TBC1D10B: variants seen among roughly 807,000 people sequenced by gnomAD.
TBC1D10B encodes TBC1 domain family member 10B, also known as Rab27A-GAPbeta.
In TBC1D10B, 25 loss-of-function variants were observed where a neutral mutation model predicts 78.4. The ratio of observed to expected loss-of-function variants is 0.32; its 90% CI spans 0.23 to 0.45. TBC1D10B has a LOEUF of 0.45. Among genes scored for constraint, TBC1D10B ranks in the 20% least tolerant of loss-of-function variants. TBC1D10B has a pLI of 1.00. For synonymous variants in TBC1D10B, 517 were observed against 478.0 expected (o/e 1.08, Z -1.06); for missense variants, 996 against 1,104.8 (o/e 0.90, Z 1.40).
At position 30,365,627 on chromosome 16, in the gene TBC1D10B, T is replaced by G; in HGVS notation, c.957-33A>C. ...GTCGGGGGAGCACGGAAGGGGTCAGTAGCAATAGTGTAAAACCTGCATTGC... is the reference window on the plus strand; with the variant it reads ...GTCGGGGGAGCACGGAAGGGGTCAGGAGCAATAGTGTAAAACCTGCATTGC... On this transcript the variant is annotated intron_variant, in intron 1 of 8. Coordinates refer to ENST00000409939, the MANE Select transcript of TBC1D10B (RefSeq NM_015527.4). This position sits in a 1 kb window ranked among gnomAD's most constrained non-coding sequence, Gnocchi z 5.0. 3 of 1,604,018 alleles carry G rather than the reference T, an allele frequency of 1.9e-6. No homozygotes were observed. The highest frequency in any genetic ancestry group is 2.6e-6 in the Non-Finnish European group (3 of 1,172,196).
In TBC1D10B at chr16:30,369,544, A is replaced by C; in HGVS notation, c.640T>G (p.Ser214Ala). 2 of 1,544,350 alleles carry C rather than the reference A, an allele frequency of 1.3e-6. No homozygotes were observed. The highest frequency in any genetic ancestry group is 1.7e-6 in the Non-Finnish European group (2 of 1,143,734). Residue 214 changes from serine to alanine, a missense_variant, in exon 1 of 9, where the codon TCA becomes GCA. Ser to Ala is a moderately conservative substitution (Grantham distance 99, BLOSUM62 1). Transcript: ENST00000409939. The surrounding 1 kb of genome is among the most constrained non-coding windows in gnomAD (Gnocchi z 4.3). The stretch of plus-strand genomic sequence containing the variant: ...CCAGAGGGGCCTGTGCCAGGGCCTG[A>C]GGGGTCCTCAGGAGCCTGTCCTGCT... ...ASAGQAPEDP[S>A]GPGTGPSGTC...
rs2049673023 is a variant in TBC1D10B at position 30,369,938 on chromosome 16, C to A, written c.246G>T (p.Pro82=). 1 of 1,209,036 alleles carries A rather than the reference C, an allele frequency of 8.3e-7. No individual in the cohort carries two copies. Among genetic ancestry groups the A allele is most frequent in the African/African-American group, 1.6e-5 (1 of 62,796 alleles). The allele number at this position is 1,209,036 out of a possible 1,614,324, so 74.9% of individuals were successfully genotyped here. A position where few individuals can be genotyped will look rare whatever the true frequency, so the allele number is the denominator to read the frequency against. Residue 82 remains proline (P), a synonymous_variant, in exon 1 of 9, where the codon CCG becomes CCT. Transcript: ENST00000409939. The surrounding 1 kb of genome is among the most constrained non-coding windows in gnomAD (Gnocchi z 4.3). Reference sequence around the variant, plus strand: ...CCACCACCGTGCTGCCCGTGACAGCCGGGGCTGGGGCCGGGGCTGGGGCCG... The same window carrying A: ...CCACCACCGTGCTGCCCGTGACAGCAGGGGCTGGGGCCGGGGCTGGGGCCG... ...PAPAPAPAPA[P]AVTGSTVVVL...
intron 4 of TBC1D10B, 181 bp from the exon 5 acceptor site, chr16:30,360,022 G>C (rs375832724): frequency 9.9e-6 from 6 of 603,726 alleles, no homozygotes; most frequent in Non-Finnish European, 1.7e-5. Flanking sequence ...CCGGGGCTCC[G>C]CCTTTGGCTA....
chr16:30,360,873 CCT>C lies in TBC1D10B; in HGVS notation c.1272-1034_1272-1033del, dbSNP rs2049594007. On this transcript the variant is annotated intron_variant, in intron 4 of 8. Coordinates refer to ENST00000409939, the MANE Select transcript of TBC1D10B (RefSeq NM_015527.4). ...TCCACTTGGGCCCAGGATCCCATCC[CCT>C]CTCGCGTGTACAGGCCACCACTCCA... Among the ~76,000 whole-genome samples, 3 of 152,208 alleles carry C rather than the reference CCT, an allele frequency of 2.0e-5. 1 individual carries two copies. The South Asian group carries it at 6.2e-4, about 32-fold the overall frequency.
At chr16:30,362,128 C>T (rs1216019538) in intron 4 of TBC1D10B, among the ~76,000 whole-genome samples, 2 of 151,306 alleles carry the variant, frequency 1.3e-5, no homozygotes, top group Admixed American at 6.6e-5. Flanking sequence ...GGATTACAGG[C>T]GTGGGCCACC....
chr16:30,366,224 G>T (rs773935949), intron 1 of TBC1D10B: 1 of 152,546 alleles, frequency 6.6e-6, no homozygotes, highest in Non-Finnish European at 1.5e-5. Context: ...AATAAAATAG[G>T]CCGGGCATGG....
chr16:30,358,146 C>G lies in TBC1D10B; in HGVS notation c.2225G>C (p.Arg742Pro), dbSNP rs144176745. The G allele has an allele frequency of 6.5e-7, 1 of 1,549,474 alleles. No homozygotes were observed. Among genetic ancestry groups the G allele is most frequent in the East Asian group, 2.5e-5 (1 of 40,792 alleles). The change falls in exon 9 of 9, where the codon CGG becomes CCG. Residue 742 changes from arginine (R) to proline (P), a missense_variant. By Grantham distance (103) the Arg-to-Pro change is moderately radical. This residue lies in a region of TBC1D10B where 285 missense variants were observed against 252.5 expected (regional missense o/e 1.13). Coordinates refer to ENST00000409939, the MANE Select transcript of TBC1D10B (RefSeq NM_015527.4). ...CTCCTGCTTCTGCCGCTCCTTCTCC[C>G]GCTCCTTCTCCTGTTTCTGCCGCTC... is the stretch of plus-strand genomic sequence containing the variant. The part of the protein sequence containing the change: ...EKERQKQEKE[R>P]EKERQKQEKE...
At position 30,365,623 on chromosome 16, in the gene TBC1D10B, T is replaced by C. The variant is rs1452493159; in HGVS notation, c.957-29A>G. 6.2e-7 allele frequency: 1 copy of C among 1,606,746 alleles called. No individual in the cohort carries two copies. The highest frequency in any genetic ancestry group is 1.7e-5 in the Admixed American group (1 of 59,986). ...CAGGGTCGGGGGAGCACGGAAGGGG[T>C]CAGTAGCAATAGTGTAAAACCTGCA... On this transcript the variant is annotated intron_variant, in intron 1 of 8. Transcript: ENST00000409939. The surrounding 1 kb of genome is among the most constrained non-coding windows in gnomAD (Gnocchi z 5.0).
chr16:30,362,213 G>A (rs1202317846), intron 4 of TBC1D10B, among the ~76,000 whole-genome samples: 1 of 151,824 alleles, frequency 6.6e-6, no homozygotes, highest in East Asian at 1.9e-4. Context: ...TTGAACTCCT[G>A]ACCTCAGATG....
At position 30,369,795 on chromosome 16, in the gene TBC1D10B, G is replaced by A; in HGVS notation, c.389C>T (p.Ala130Val). ...AGCCTCCTCTGTCTTCGGCGAGTCT[G>A]CCCCTGCGGCCAGAGCCCTCGATGT... ...VETSRALAAG[A>V]DSPKTEEARP... Residue 130 changes from alanine to valine, a missense_variant, in exon 1 of 9, where the codon GCA (alanine) becomes GTA (valine). By Grantham distance (64) the Ala-to-Val change is moderately conservative. This residue lies in a region of TBC1D10B where 448 missense variants were observed against 442.1 expected (regional missense o/e 1.01). Transcript: ENST00000409939. The surrounding 1 kb of genome is among the most constrained non-coding windows in gnomAD (Gnocchi z 4.3). The A allele has an allele frequency of 7.0e-7, 1 of 1,430,056 alleles. No individual in the cohort carries two copies. Among genetic ancestry groups the A allele is most frequent in the Non-Finnish European group, 9.2e-7 (1 of 1,090,506 alleles). 88.6% of individuals were successfully genotyped at this position (1,430,056 alleles called of 1,614,324 possible). A position where few individuals can be genotyped will look rare whatever the true frequency, so the allele number is the denominator to read the frequency against.
chr16:30,369,944 TGGGGCCGGGGCTGGGGCC>T lies in TBC1D10B; in HGVS notation c.222_239del (p.Pro78_Ala83del). ...CCGTGCTGCCCGTGACAGCCGGGGCTGGGGCCGGGGCTGGGGCCGGGGCCGGAGCAGAGGTCTCGGCCG... is the reference window on the plus strand; with the variant it reads ...CCGTGCTGCCCGTGACAGCCGGGGCTGGGGCCGGAGCAGAGGTCTCGGCCG... On this transcript the variant is annotated inframe_deletion, in exon 1 of 9. Transcript: ENST00000409939. The surrounding 1 kb of genome is among the most constrained non-coding windows in gnomAD (Gnocchi z 4.3). 1 of 1,212,544 alleles carries T rather than the reference TGGGGCCGGGGCTGGGGCC, an allele frequency of 8.2e-7. No individual in the cohort carries two copies. The highest frequency in any genetic ancestry group is 1.0e-6 in the Non-Finnish European group (1 of 952,566). The allele number at this position is 1,212,544 out of a possible 1,614,324, so 75.1% of individuals were successfully genotyped here.
chr16:30,363,647 C>T (rs1472747374), intron 4 of TBC1D10B, among the ~76,000 whole-genome samples: 1 of 152,190 alleles, frequency 6.6e-6, no homozygotes, highest in Non-Finnish European at 1.5e-5. Flanking sequence ...TGCTTACCAT[C>T]ATTTCACATA....
Position 30,358,156 on chromosome 16 carries a change from C to T in TBC1D10B, c.2215G>A (p.Glu739Lys), listed in dbSNP as rs763902696. ...TGCCGCTCCTTCTCCCGCTCCTTCTCCTGTTTCTGCCGCTCCTTCTCCTGT... is the reference window on the plus strand; with the variant it reads ...TGCCGCTCCTTCTCCCGCTCCTTCTTCTGTTTCTGCCGCTCCTTCTCCTGT... ...QKQEKERQKQ[E>K]KEREKERQKQ... Residue 739 changes from glutamate (E) to lysine (K), a missense_variant, in exon 9 of 9, where the codon GAG becomes AAG. This residue lies in a region of TBC1D10B where 285 missense variants were observed against 252.5 expected (regional missense o/e 1.13). Transcript: ENST00000409939. 1.3e-4 allele frequency: 202 copies of T among 1,549,546 alleles called. No individual in the cohort carries two copies. Among genetic ancestry groups the T allele is most frequent in the Non-Finnish European group, 1.7e-4 (198 of 1,145,310 alleles).
Position 30,358,441 on chromosome 16 carries a change from C to A in TBC1D10B, c.1930G>T (p.Glu644Ter). 1 of 1,588,676 alleles carries A rather than the reference C, an allele frequency of 6.3e-7. No individual in the cohort carries two copies. The highest frequency in any genetic ancestry group is 1.1e-5 in the South Asian group (1 of 87,540). ...RRLHGSRAIH[E>*]ERRRQQPPLG... Reference sequence around the variant, plus strand: ...GGTGGCTGTTGCCGCCGGCGCTCCTCGTGGATGGCCCGGGACCCATGCAGT... The same window carrying A: ...GGTGGCTGTTGCCGCCGGCGCTCCTAGTGGATGGCCCGGGACCCATGCAGT... Residue 644 changes from glutamate to a stop codon, truncating the protein, a stop_gained, in exon 9 of 9, where the codon GAG becomes TAG. Transcript: ENST00000409939. LOFTEE classifies it high-confidence loss of function.
chr16:30,370,460 C>T lies in TBC1D10B; in HGVS notation c.-277G>A, dbSNP rs1302368864. ...GCGAGCCGCCGACCTCGCGCCTGCG[C>T]ACACGCCGCAGAGCCGGCTCCGCGC... On this transcript the variant is annotated 5_prime_UTR_variant, in exon 1 of 9. Coordinates refer to ENST00000409939, the MANE Select transcript of TBC1D10B (RefSeq NM_015527.4). Among the ~76,000 whole-genome samples the T allele has an allele frequency of 2.0e-5, 3 of 152,080 alleles. No homozygotes were observed. Among genetic ancestry groups the T allele is most frequent in the Non-Finnish European group, 4.4e-5 (3 of 67,960 alleles).
rs549282010 is a variant in TBC1D10B, at chr16:30,364,166, C to T, written c.1271+734G>A. On this transcript the variant is annotated intron_variant, in intron 4 of 8. Coordinates refer to ENST00000409939, the MANE Select transcript of TBC1D10B (RefSeq NM_015527.4). ...AGAACAAAAAGTCCATCTGGCCAGG[C>T]GCAGTGGCTCACACCTGTAATCCCA... is the stretch of plus-strand genomic sequence containing the variant. Among the ~76,000 whole-genome samples, 4 of 151,548 alleles carry T rather than the reference C, an allele frequency of 2.6e-5. No homozygotes were observed. The South Asian group carries it at 6.3e-4, about 24-fold the overall frequency.
At chr16:30,368,495 C>T (rs1297200724) in intron 1 of TBC1D10B, among the ~76,000 whole-genome samples, 1 of 152,100 alleles carries the variant, frequency 6.6e-6, no homozygotes, top group Non-Finnish European at 1.5e-5. Context: ...CAAAGGGGCA[C>T]AGGAACAACG....
In TBC1D10B at chr16:30,365,374, G is replaced by A; in HGVS notation, c.1056+121C>T. 1.5e-6 allele frequency: 2 copies of A among 1,327,522 alleles called. No individual in the cohort carries two copies. Among genetic ancestry groups the A allele is most frequent in the Non-Finnish European group, 2.2e-6 (2 of 926,048 alleles). The allele number at this position is 1,327,522 out of a possible 1,614,324, so 82.2% of individuals were successfully genotyped here. A position where few individuals can be genotyped will look rare whatever the true frequency, so the allele number is the denominator to read the frequency against. On this transcript the variant is annotated intron_variant, in intron 2 of 8. Transcript: ENST00000409939. This position sits in a 1 kb window ranked among gnomAD's most constrained non-coding sequence, Gnocchi z 5.0. Reference sequence around the variant, plus strand: ...TATTTTTAAAGCCATTCCCCCGCCAGGGCCCATCTATCCCCAGTGTGGTCC... The same window carrying A: ...TATTTTTAAAGCCATTCCCCCGCCAAGGCCCATCTATCCCCAGTGTGGTCC...
chr16:30,359,682 G>A (rs1298617372), intron 5 of TBC1D10B, 45 bp downstream of exon 5: 1 of 1,554,546 alleles, frequency 6.4e-7, no homozygotes, highest in Non-Finnish European at 8.7e-7. Context: ...CCACTGTAGG[G>A]TGAGATCCCC....
Sources: gnomAD v4.1 joint callset for allele counts (sites outside exome capture counted in the v4.1 genomes callset) on GRCh38, gnomAD v4.1.1 for gene constraint, gnomAD v4.1.1 regional missense constraint, Gnocchi (gnomAD v3.1) non-coding constraint, MANE v1.5 for transcripts, NCBI Gene and HGNC (gene_info 2026-07-23, HGNC 2026-07-21) for gene names.